The following ROBO1 variants were observed in gnomAD, a reference collection of about 807,000 sequenced individuals.
The protein encoded by ROBO1 is roundabout guidance receptor 1.
A neutral mutation model predicts 195.9 loss-of-function variants in ROBO1; 149 were observed. The ratio of observed to expected loss-of-function variants is 0.76; its 90% confidence interval spans 0.67 to 0.87. The LOEUF is 0.87. Among genes scored for constraint, ROBO1 ranks in the 40% least tolerant of loss-of-function variants. The pLI is 0.00. For missense variants in ROBO1, 1,933 were observed against 2,068.3 expected, an observed-to-expected ratio of 0.93 and a Z score of 1.27; for synonymous variants, 816 against 733.2, an observed-to-expected ratio of 1.11 and a Z score of -1.82.
intron 3 of ROBO1, among the ~76,000 whole-genome samples, chr3:78,970,274 T>A (rs1299375636): frequency 6.6e-6 from 1 of 152,220 alleles, no homozygotes; most frequent in Non-Finnish European, 1.5e-5. Context: ...TTAAATAATT[T>A]AGAAAAAATT....
chr3:79,646,275 A>G (rs1275567533), intron 1 of ROBO1, among the ~76,000 whole-genome samples: 1 of 152,212 alleles, frequency 6.6e-6, no homozygotes, highest in Non-Finnish European at 1.5e-5. Flanking sequence ...TTCTCAAAAG[A>G]AGACACACAA....
intron 18 of ROBO1, among the ~76,000 whole-genome samples, chr3:78,655,291 G>C (rs991453935): frequency 6.6e-5 from 10 of 152,172 alleles, no homozygotes; most frequent in Non-Finnish European, 1.3e-4. Flanking sequence ...TAATAGAGCT[G>C]TTGGGAGGAG....
chr3:79,658,005 G>A (rs1030764791), intron 1 of ROBO1, among the ~76,000 whole-genome samples: 1 of 152,062 alleles, frequency 6.6e-6, no homozygotes, highest in African/African-American at 2.4e-5. Context: ...ATAGGAAAAA[G>A]ATATATGGTA....
At chr3:78,664,906 C>T (rs1707642971) in intron 14 of ROBO1, among the ~76,000 whole-genome samples, 1 of 152,214 alleles carries the variant, frequency 6.6e-6, no homozygotes, top group Non-Finnish European at 1.5e-5. Context: ...AAATGAAGTC[C>T]AAGAATAGGC....
At chr3:79,506,679 G>T (rs1940416561) in intron 2 of ROBO1, among the ~76,000 whole-genome samples, 1 of 152,058 alleles carries the variant, frequency 6.6e-6, no homozygotes, top group Non-Finnish European at 1.5e-5. Flanking sequence ...TCCTGACCTC[G>T]TGATCCACCC....
rs971347862 is a variant in ROBO1, at chr3:78,650,428, A to T, written c.2812+1304T>A. Among the ~76,000 whole-genome samples, 4 of 152,276 alleles carry T rather than the reference A, an allele frequency of 2.6e-5. No individual in the cohort carries two copies. In the East Asian group the frequency reaches 7.7e-4, roughly 29 times the overall value. ...GCTGAGCCACAGGCAGGCGGCAAGGAGATTTATTTTTATAGTATTAGTGAT... is the reference window on the plus strand; with the variant it reads ...GCTGAGCCACAGGCAGGCGGCAAGGTGATTTATTTTTATAGTATTAGTGAT... On this transcript the variant is annotated intron_variant, in intron 19 of 30. Coordinates refer to ENST00000464233, the MANE Select transcript of ROBO1 (RefSeq NM_002941.4).
chr3:79,270,479 C>G (rs932945556), intron 2 of ROBO1, among the ~76,000 whole-genome samples: 6 of 151,056 alleles, frequency 4.0e-5, no homozygotes, highest in African/African-American at 1.5e-4. Context: ...TCAGTAAAGA[C>G]TGCACAAAAT....
intron 4 of ROBO1, among the ~76,000 whole-genome samples, chr3:78,830,693 T>C (rs975605603): frequency 6.6e-6 from 1 of 152,098 alleles, no homozygotes; most frequent in African/African-American, 2.4e-5. Flanking sequence ...TCCCACGACA[T>C]GTGGGGATTA....
At chr3:79,254,107 A>C (rs2082782885) in intron 2 of ROBO1, among the ~76,000 whole-genome samples, 1 of 152,180 alleles carries the variant, frequency 6.6e-6, no homozygotes, top group African/African-American at 2.4e-5. Flanking sequence ...AAATCATTCT[A>C]ACATATGTTC....
chr3:79,621,048 T>C (rs181388385), intron 1 of ROBO1, among the ~76,000 whole-genome samples: 1 of 152,210 alleles, frequency 6.6e-6, no homozygotes, highest in East Asian at 1.9e-4. Flanking sequence ...ATTATTCTGT[T>C]CTAGATATCA....
chr3:79,602,199 A>C (rs1351615633), intron 1 of ROBO1, among the ~76,000 whole-genome samples: 1 of 152,030 alleles, frequency 6.6e-6, no homozygotes, highest in African/African-American at 2.4e-5. Context: ...ACAAGCATTA[A>C]ATTTCAGACT....
At chr3:79,018,963 T>G in intron 3 of ROBO1, 1 of 989,156 alleles carries the variant, frequency 1.0e-6, no homozygotes, top group Non-Finnish European at 1.2e-6. Context: ...GCGGCGGCGA[T>G]AGCAGCCAAA....
chr3:79,021,503 T>C (rs1008308504), intron 3 of ROBO1, among the ~76,000 whole-genome samples: 10 of 152,176 alleles, frequency 6.6e-5, no homozygotes, highest in African/African-American at 2.2e-4. Context: ...TTCCCCCAAA[T>C]GGATCTCCTG....
At chr3:79,100,581 A>T (rs2079657683) in intron 3 of ROBO1, among the ~76,000 whole-genome samples, 1 of 151,744 alleles carries the variant, frequency 6.6e-6, no homozygotes, top group African/African-American at 2.4e-5. Flanking sequence ...AATTCACGTG[A>T]TCCTATCATC....
intron 3 of ROBO1, among the ~76,000 whole-genome samples, chr3:79,008,680 A>C (rs1366483959): frequency 6.6e-6 from 1 of 150,704 alleles, no homozygotes; most frequent in East Asian, 2.0e-4. Context: ...TGCATCCTCA[A>C]CCTCCTGGGC....
intron 4 of ROBO1, among the ~76,000 whole-genome samples, chr3:78,752,917 T>A (rs2082833779): frequency 6.6e-6 from 1 of 152,150 alleles, no homozygotes; most frequent in Non-Finnish European, 1.5e-5. Context: ...GCAACTTTGT[T>A]TTTAAACCTT....
chr3:79,124,775 CAG>C (rs1371885888), intron 3 of ROBO1, among the ~76,000 whole-genome samples: 3 of 152,122 alleles, frequency 2.0e-5, no homozygotes, highest in African/African-American at 7.2e-5. Context: ...CAAATTATCT[CAG>C]AGTTAGAGAT....
At chr3:79,045,225 C>T (rs2078567981) in intron 3 of ROBO1, among the ~76,000 whole-genome samples, 1 of 151,810 alleles carries the variant, frequency 6.6e-6, no homozygotes, top group Admixed American at 6.6e-5. Context: ...CATGAAGAGA[C>T]TAACAATGAA....
intron 26 of ROBO1, among the ~76,000 whole-genome samples, chr3:78,618,257 C>T (rs1704247486): frequency 6.6e-6 from 1 of 152,240 alleles, no homozygotes; most frequent in East Asian, 1.9e-4. Flanking sequence ...CTTTCTGATT[C>T]AAGTTTAATA....
Sources: gnomAD v4.1 joint callset for allele counts (sites outside exome capture counted in the v4.1 genomes callset) on GRCh38, gnomAD v4.1.1 for gene constraint, MANE v1.5 for transcripts, NCBI Gene and HGNC (gene_info 2026-07-23, HGNC 2026-07-21) for gene names.